Variants in LNPK observed in about 807,000 individuals in gnomAD.
LNPK encodes lunapark, ER junction formation factor.
LNPK carries 29 observed loss-of-function variants against 55.2 expected under a neutral mutation model. That is an observed-to-expected ratio of 0.53 (90% CI 0.39 to 0.72). LNPK has a LOEUF of 0.72. Ranked by LOEUF, LNPK falls within the 30% of genes least tolerant of loss-of-function variation. The probability of loss-of-function intolerance (pLI) is 0.00; values close to 1 mark genes in which losing one functional copy is unlikely to be tolerated. For synonymous variants in LNPK, 162 were observed against 168.2 expected (o/e 0.96, Z 0.29); for missense variants, 467 against 494.8 (o/e 0.94, Z 0.53).
intron 8 of LNPK, among the ~76,000 whole-genome samples, chr2:175,957,765 C>T (rs1313428228): frequency 6.6e-6 from 1 of 152,188 alleles, no homozygotes; most frequent in East Asian, 1.9e-4. Context: ...ATTGCCTCAC[C>T]TGGGAAGTGC....
At chr2:175,947,776 T>A in intron 8 of LNPK, 84 bp from the exon 9 acceptor site, 1 of 957,762 alleles carries the variant, frequency 1.0e-6, no homozygotes, top group Non-Finnish European at 1.5e-6. Context: ...TTATTAAAAT[T>A]TTACGCCCCA....
intron 6 of LNPK, chr2:175,967,620 A>C (rs1269542020): frequency 2.0e-6 from 2 of 983,332 alleles, no homozygotes; most frequent in East Asian, 2.3e-4. Flanking sequence ...AGCATGTTAT[A>C]CCATATAAAC....
chr2:175,948,114 T>C (rs1685233518), intron 8 of LNPK, among the ~76,000 whole-genome samples: 2 of 152,248 alleles, frequency 1.3e-5, no homozygotes, highest in Admixed American at 1.3e-4. Flanking sequence ...AAGTATATTC[T>C]GGAATTATCA....
chr2:176,000,604 T>C lies in LNPK; in HGVS notation c.-63+1556A>G, dbSNP rs1688125444. On this transcript the variant is annotated intron_variant, in intron 1 of 12. Transcript: ENST00000272748. The stretch of plus-strand genomic sequence containing the variant: ...AAATAGAGCAAAAAATTCTGTAGAC[T>C]CTGCCATTAAATAACCTTGTAGGTC... Among the ~76,000 whole-genome samples, 3 of 152,374 alleles carry C rather than the reference T, an allele frequency of 2.0e-5. No homozygotes were observed. The East Asian group carries it at 5.8e-4, about 29-fold the overall frequency.
At chr2:175,976,578 T>G (rs898008877) in intron 5 of LNPK, among the ~76,000 whole-genome samples, 1 of 152,190 alleles carries the variant, frequency 6.6e-6, no homozygotes, top group Non-Finnish European at 1.5e-5. Flanking sequence ...CTCTCCCTAA[T>G]GAAGTGGCCC....
chr2:175,949,612 T>C (rs1319405147), intron 8 of LNPK, among the ~76,000 whole-genome samples: 23 of 152,076 alleles, frequency 1.5e-4, no homozygotes, highest in Non-Finnish European at 1.2e-4. Flanking sequence ...CAGTGAAAAT[T>C]ACCTGAAATG....
intron 8 of LNPK, among the ~76,000 whole-genome samples, chr2:175,956,270 CA>C (rs1329987996): frequency 8.4e-6 from 1 of 119,182 alleles, no homozygotes; most frequent in Non-Finnish European, 1.7e-5. Context: ...ACAGTGAGAC[CA>C]TGTATTCAAA....
intron 8 of LNPK, among the ~76,000 whole-genome samples, chr2:175,950,003 G>C (rs1685322315): frequency 6.6e-6 from 1 of 151,918 alleles, no homozygotes; most frequent in African/African-American, 2.4e-5. Flanking sequence ...AGTCATATTA[G>C]ATATGTTCAA....
intron 8 of LNPK, among the ~76,000 whole-genome samples, chr2:175,949,768 G>A (rs1685312418): frequency 6.6e-6 from 1 of 151,958 alleles, no homozygotes; most frequent in African/African-American, 2.4e-5. Context: ...TTACAAAAGG[G>A]AGAAAATGTA....
chr2:175,967,278 T>C (rs1686414617), intron 6 of LNPK, among the ~76,000 whole-genome samples: 1 of 152,160 alleles, frequency 6.6e-6, no homozygotes, highest in South Asian at 2.1e-4. Flanking sequence ...GATAGAATAA[T>C]AAATACATGA....
At chr2:175,946,316 G>A (rs1685119744) in intron 9 of LNPK, among the ~76,000 whole-genome samples, 1 of 151,794 alleles carries the variant, frequency 6.6e-6, no homozygotes, top group African/African-American at 2.4e-5. Context: ...ACAAATCATG[G>A]GTATCTCAAA....
At chr2:175,991,041 T>C (rs1010747023) in intron 4 of LNPK, among the ~76,000 whole-genome samples, 15 of 152,164 alleles carry the variant, frequency 9.9e-5, no homozygotes, top group African/African-American at 3.6e-4. Context: ...TGAATCATAA[T>C]AGCAAACCTA....
intron 8 of LNPK, among the ~76,000 whole-genome samples, chr2:175,953,980 GC>G (rs1369738540): frequency 6.6e-6 from 1 of 151,994 alleles, no homozygotes; most frequent in Non-Finnish European, 1.5e-5. Context: ...TATTTGTAGT[GC>G]CTCGAGGTGC....
At chr2:175,964,050 A>G (rs1239027815) in intron 8 of LNPK, among the ~76,000 whole-genome samples, 1 of 152,188 alleles carries the variant, frequency 6.6e-6, no homozygotes, top group African/African-American at 2.4e-5. Context: ...TTTCATAATA[A>G]CAGATATTCC....
intron 6 of LNPK, among the ~76,000 whole-genome samples, chr2:175,970,001 A>G (rs1355466110): frequency 6.6e-6 from 1 of 152,190 alleles, no homozygotes; most frequent in Non-Finnish European, 1.5e-5. Context: ...TACTAGACTA[A>G]AATATATTGA....
intron 12 of LNPK, among the ~76,000 whole-genome samples, chr2:175,931,668 A>G (rs1684285962): frequency 6.6e-6 from 1 of 152,188 alleles, no homozygotes; most frequent in South Asian, 2.1e-4. Context: ...TAAAAATCCT[A>G]TCTGTATCTT....
chr2:175,965,278 C>A (rs556881853), intron 6 of LNPK, among the ~76,000 whole-genome samples: 1 of 152,116 alleles, frequency 6.6e-6, no homozygotes, highest in African/African-American at 2.4e-5. Context: ...ATTATTGTAA[C>A]GTTTTATTTA....
chr2:175,939,333 CAG>C (rs1221423951), intron 10 of LNPK, among the ~76,000 whole-genome samples: 9 of 152,114 alleles, frequency 5.9e-5, no homozygotes, highest in Admixed American at 3.9e-4. Context: ...AAAGTTATAG[CAG>C]AGTTAATATT....
chr2:175,959,124 C>T (rs903788396), intron 8 of LNPK, among the ~76,000 whole-genome samples: 21 of 152,146 alleles, frequency 1.4e-4, no homozygotes, highest in Non-Finnish European at 2.1e-4. Flanking sequence ...GAGGATGGAA[C>T]CAAGCTGGAA....
Sources: allele counts gnomAD v4.1 joint callset (sites outside exome capture counted in the v4.1 genomes callset), GRCh38; gene constraint gnomAD v4.1.1; transcripts MANE v1.5; gene names NCBI Gene and HGNC (gene_info 2026-07-23, HGNC 2026-07-21).